COA8: variants seen among roughly 807,000 people sequenced by gnomAD.
The protein encoded by COA8 is UPF0671 protein C14orf153.
Under a neutral mutation model 22.0 loss-of-function variants are expected in COA8, and 20 were observed. That is an observed-to-expected ratio of 0.91 (90% CI 0.64 to 1.32). The LOEUF (loss-of-function observed/expected upper bound fraction) is 1.32, where lower values mean the gene tolerates loss of function less well. Among genes scored for constraint, COA8 ranks in the 40% most tolerant of loss-of-function variants. The pLI is 0.00. For missense variants in COA8, 266 were observed against 230.0 expected (o/e 1.16, Z -1.01); for synonymous variants, 105 against 79.9 (o/e 1.31, Z -1.68).
intron 3 of COA8, 115 bp downstream of exon 3, chr14:103,574,285 G>T: frequency 7.0e-7 from 1 of 1,430,114 alleles, no homozygotes; most frequent in Non-Finnish European, 9.8e-7. Context: ...TCCTTGGCCT[G>T]CTTTGGGGCA....
intron 1 of COA8, among the ~76,000 whole-genome samples, chr14:103,564,108 G>A (rs551199506): frequency 2.0e-4 from 30 of 151,890 alleles, no homozygotes; most frequent in African/African-American, 7.0e-4. Flanking sequence ...AGTCGAGATC[G>A]CGCCACTGCA....
intron 1 of COA8, among the ~76,000 whole-genome samples, chr14:103,570,403 A>G (rs907563046): frequency 2.0e-5 from 3 of 152,154 alleles, no homozygotes; most frequent in African/African-American, 4.8e-5. Flanking sequence ...TTGCACAAAC[A>G]AAACCAGTTC....
chr14:103,585,668 C>T (rs188952879), intron 3 of COA8, among the ~76,000 whole-genome samples: 45 of 142,916 alleles, frequency 3.1e-4, no homozygotes, highest in Admixed American at 2.1e-4. Context: ...CTCCACCTCC[C>T]GGGTTCAAGC....
At chr14:103,590,083 AGTT>A (rs1164603650) in intron 4 of COA8, 95 bp from the exon 5 acceptor site, 2 of 920,020 alleles carry the variant, frequency 2.2e-6, no homozygotes, top group Non-Finnish European at 3.5e-6. Flanking sequence ...AGGCCTGGTC[AGTT>A]GAACTCATCC....
chr14:103,572,362 C>A (rs1039781054), intron 2 of COA8, among the ~76,000 whole-genome samples: 1 of 152,112 alleles, frequency 6.6e-6, no homozygotes, highest in Non-Finnish European at 1.5e-5. Context: ...TTGAAGGATG[C>A]AATGTGTGAG....
intron 1 of COA8, among the ~76,000 whole-genome samples, chr14:103,568,034 C>T (rs1330289891): frequency 2.0e-5 from 3 of 152,082 alleles, no homozygotes; most frequent in Non-Finnish European, 4.4e-5. Flanking sequence ...GGCTGGGGAC[C>T]CTAACCCTCA....
intron 1 of COA8, among the ~76,000 whole-genome samples, chr14:103,570,165 A>C (rs2076172031): frequency 1.3e-5 from 2 of 151,982 alleles, no homozygotes; most frequent in Non-Finnish European, 2.9e-5. Flanking sequence ...CTAGAAATGT[A>C]GGTTTTATTT....
intron 4 of COA8, among the ~76,000 whole-genome samples, chr14:103,588,782 C>G (rs1407391944): frequency 6.6e-6 from 1 of 152,088 alleles, no homozygotes; most frequent in African/African-American, 2.4e-5. Flanking sequence ...GTGGAGGTTG[C>G]AGTGAGCCGA....
At chr14:103,583,176 A>C (rs572531007) in intron 3 of COA8, among the ~76,000 whole-genome samples, 1 of 152,012 alleles carries the variant, frequency 6.6e-6, no homozygotes, top group Non-Finnish European at 1.5e-5. Context: ...GATTATTTCT[A>C]CCCTTTGGCT....
chr14:103,589,679 G>T (rs1424698864), intron 4 of COA8, among the ~76,000 whole-genome samples: 1 of 152,054 alleles, frequency 6.6e-6, no homozygotes, highest in Non-Finnish European at 1.5e-5. Context: ...ACTTTGGGAG[G>T]TTGAGGCAGG....
chr14:103,577,989 A>C (rs1439775351), intron 3 of COA8, among the ~76,000 whole-genome samples: 1 of 139,626 alleles, frequency 7.2e-6, no homozygotes, highest in African/African-American at 2.7e-5. Flanking sequence ...GCACCATTGC[A>C]CTCCAGCCTG....
At chr14:103,576,293 G>A (rs138603598) in intron 3 of COA8, among the ~76,000 whole-genome samples, 6 of 151,946 alleles carry the variant, frequency 3.9e-5, no homozygotes, top group South Asian at 2.1e-4. Context: ...GTGACAGAGC[G>A]AGACTCTGTC....
Position 103,562,975 on chromosome 14 carries a change from G to T in COA8, c.-27G>T. The T allele has an allele frequency of 1.3e-6, 2 of 1,518,310 alleles. No homozygotes were observed. Among genetic ancestry groups the T allele is most frequent in the Non-Finnish European group, 1.8e-6 (2 of 1,138,816 alleles). 94.1% of individuals were successfully genotyped at this position (1,518,310 alleles called of 1,614,324 possible). On this transcript the variant is annotated 5_prime_UTR_variant, in exon 1 of 5. Coordinates refer to ENST00000409074, the MANE Select transcript of COA8 (RefSeq NM_001370595.2). ...TCGCGCCGTCGCAATGCTGCCGTGC[G>T]CCGCGGGAGCCAGGGGGCGTGGGGC... is the stretch of plus-strand genomic sequence containing the variant.
rs1047408897 is a variant in COA8 at position 103,566,277 on chromosome 14, C to T, written c.123+3153C>T. Among the ~76,000 whole-genome samples, 114 of 151,994 alleles carry T rather than the reference C, an allele frequency of 7.5e-4. 1 individual carries two copies. Among genetic ancestry groups the T allele is most frequent in the Non-Finnish European group, 2.4e-4 (16 of 68,014 alleles). On this transcript the variant is annotated intron_variant, in intron 1 of 4. Transcript: ENST00000409074. ...TCTCTACAAAAATACAAAAATTAGC[C>T]GGGCATGATGGTGGTACCTGTAATC...
intron 4 of COA8, 111 bp downstream of exon 4, chr14:103,587,475 C>G: frequency 1.8e-6 from 1 of 556,874 alleles, no homozygotes; most frequent in African/African-American, 2.0e-5. Flanking sequence ...GTAGAAGTTG[C>G]AAGACTTTAT....
chr14:103,580,729 CA>C (rs1160189276), intron 3 of COA8, among the ~76,000 whole-genome samples: 1 of 151,506 alleles, frequency 6.6e-6, no homozygotes, highest in Non-Finnish European at 1.5e-5. Context: ...CTCTTCACCT[CA>C]GATCCACCCA....
In COA8 at chr14:103,574,107, G is replaced by GT; in HGVS notation, c.322_323insT (p.Glu108ValfsTer13). ...TTTTTTTTTTTTTTTTTTTTTTAAG[G>GT]AAAAAGAAGAATTTATTCACTCAAG... is the stretch of plus-strand genomic sequence containing the variant. On this transcript the variant is annotated frameshift_variant and splice_region_variant, in exon 3 of 5. Coordinates refer to ENST00000409074, the MANE Select transcript of COA8 (RefSeq NM_001370595.2). LOFTEE classifies it high-confidence loss of function. The GT allele has an allele frequency of 9.1e-7, 1 of 1,099,034 alleles. No homozygotes were observed. The highest frequency in any genetic ancestry group is 1.2e-6 in the Non-Finnish European group (1 of 805,474). The allele number at this position is 1,099,034 out of a possible 1,614,324, so 68.1% of individuals were successfully genotyped here. A position where few individuals can be genotyped will look rare whatever the true frequency, so the allele number is the denominator to read the frequency against.
intron 1 of COA8, among the ~76,000 whole-genome samples, chr14:103,568,448 C>T (rs2076151588): frequency 2.0e-5 from 3 of 151,874 alleles, no homozygotes; most frequent in Admixed American, 6.6e-5. Flanking sequence ...TATATATACA[C>T]ACACATACAT....
intron 3 of COA8, among the ~76,000 whole-genome samples, chr14:103,575,983 G>A (rs1172191057): frequency 2.0e-5 from 3 of 151,724 alleles, no homozygotes; most frequent in Admixed American, 6.5e-5. Flanking sequence ...GATTACAGGC[G>A]TGAGCCACTG....
Sources: gnomAD v4.1 joint callset for allele counts (sites outside exome capture counted in the v4.1 genomes callset) on GRCh38, gnomAD v4.1.1 for gene constraint, MANE v1.5 for transcripts, NCBI Gene and HGNC (gene_info 2026-07-23, HGNC 2026-07-21) for gene names.